Variants in TCTN1 observed in about 807,000 individuals in gnomAD.
TCTN1 encodes the protein tectonic-1.
In TCTN1, 58 loss-of-function variants were observed where a neutral mutation model predicts 65.8. The observed-to-expected ratio is 0.88, with a 90% CI of 0.71 to 1.10. The LOEUF is 1.10. Among genes scored for constraint, TCTN1 ranks in the 50% least tolerant of loss-of-function variants. TCTN1 has a pLI of 0.00. For synonymous variants in TCTN1, 273 were observed against 289.1 expected (o/e 0.94, Z 0.57); for missense variants, 645 against 719.4 (o/e 0.90, Z 1.18).
At chr12:110,647,994 G>A in intron 14 of TCTN1, 101 bp downstream of exon 14, 13 of 1,557,690 alleles carry the variant, frequency 8.3e-6, no homozygotes, top group Non-Finnish European at 1.1e-5. Flanking sequence ...TATACTTTTT[G>A]AGGGTCTCGC....
Position 110,640,885 on chromosome 12 carries a change from A to G in TCTN1, c.979-139A>G. ...TGGTGCTGAGGGAACACCTCTCATA[A>G]TCCAACTGGACAGCAGAGCAAGGCT... is the stretch of plus-strand genomic sequence containing the variant. On this transcript the variant is annotated intron_variant, in intron 8 of 14. Coordinates refer to ENST00000397659, the MANE Select transcript of TCTN1 (RefSeq NM_001082538.3). The surrounding 1 kb of genome is among the most constrained non-coding windows in gnomAD (Gnocchi z 4.9). 2 of 1,274,738 alleles carry G rather than the reference A, an allele frequency of 1.6e-6. No individual in the cohort carries two copies. Among genetic ancestry groups the G allele is most frequent in the East Asian group, 4.6e-5 (2 of 43,192 alleles). 79.0% of individuals were successfully genotyped at this position (1,274,738 alleles called of 1,614,324 possible).
intron 6 of TCTN1, 65 bp downstream of exon 6, chr12:110,634,844 A>T (rs549350527): frequency 7.9e-7 from 1 of 1,268,482 alleles, no homozygotes; most frequent in Non-Finnish European, 1.1e-6. Context: ...GCGCTTTTAA[A>T]ATATGACAAG....
intron 1 of TCTN1, among the ~76,000 whole-genome samples, chr12:110,618,463 T>G (rs2135887693): frequency 6.6e-6 from 1 of 151,980 alleles, no homozygotes; most frequent in African/African-American, 2.4e-5. Flanking sequence ...ATGGTCTCAA[T>G]CTCCTGACCT....
intron 12 of TCTN1, chr12:110,646,543 A>G (rs2067313340): frequency 6.5e-6 from 1 of 153,140 alleles, no homozygotes; most frequent in African/African-American, 2.4e-5. Flanking sequence ...TGGAAAGCCC[A>G]CGGCCCCTTT....
rs900492323 is a variant in TCTN1, at chr12:110,614,205, C to A, written c.23C>A (p.Pro8Gln). The A allele has an allele frequency of 4.4e-6, 7 of 1,575,896 alleles. No individual in the cohort carries two copies. In the African/African-American group the frequency reaches 8.1e-5, roughly 18 times the overall value. ...GAGATGAGGCCGCGAGGTCTCCCGC[C>A]GCTCCTGGTGGTGCTCCTGGGCTGC... is the stretch of plus-strand genomic sequence containing the variant. MRPRGLP[P>Q]LLVVLLGCWA... Residue 8 changes from proline (P) to glutamine (Q), a missense_variant, in exon 1 of 15, where the codon CCG becomes CAG. Physicochemically the swap from Pro to Gln is moderately conservative, Grantham distance 76. Transcript: ENST00000397659.
chr12:110,644,975 G>A lies in TCTN1; in HGVS notation c.1340G>A (p.Gly447Glu). ...CTTTTTCCTTCACCAAGACTGACTGGAGCTCTCCCGTGTCAGCTCGTAGCA... is the reference window on the plus strand; with the variant it reads ...CTTTTTCCTTCACCAAGACTGACTGAAGCTCTCCCGTGTCAGCTCGTAGCA... ...MQSGCKLRLT[G>E]ALPCQLVAQK... Residue 447 changes from glycine (G) to glutamate (E), a missense_variant, in exon 12 of 15, where the codon GGA becomes GAA. Coordinates refer to ENST00000397659, the MANE Select transcript of TCTN1 (RefSeq NM_001082538.3). This position sits in a 1 kb window ranked among gnomAD's most constrained non-coding sequence, Gnocchi z 4.6. The A allele has an allele frequency of 1.2e-6, 2 of 1,614,218 alleles. No individual in the cohort carries two copies. Among genetic ancestry groups the A allele is most frequent in the Non-Finnish European group, 1.7e-6 (2 of 1,180,040 alleles).
chr12:110,645,195 A>C (rs1457257448), intron 12 of TCTN1, 66 bp downstream of exon 12: 4 of 1,594,770 alleles, frequency 2.5e-6, no homozygotes, highest in Non-Finnish European at 3.4e-6. Flanking sequence ...TGATGAAGGC[A>C]GCCGGGGAAG....
At chr12:110,632,388 T>C (rs1026548377) in intron 4 of TCTN1, 84 bp from the exon 5 acceptor site, 34 of 1,403,780 alleles carry the variant, frequency 2.4e-5, no homozygotes, top group Middle Eastern at 1.8e-4. Context: ...CCTGCAGTGC[T>C]GCTTGGCACA....
chr12:110,630,615 C>G (rs1331695387), intron 4 of TCTN1, among the ~76,000 whole-genome samples: 1 of 152,156 alleles, frequency 6.6e-6, no homozygotes, highest in Non-Finnish European at 1.5e-5. Flanking sequence ...TCCCTGTATC[C>G]ATTAATATTC....
chr12:110,616,995 T>C (rs1036848197), intron 1 of TCTN1: 1 of 152,238 alleles, frequency 6.6e-6, no homozygotes, highest in Non-Finnish European at 1.5e-5. Flanking sequence ...TTAAGTACAC[T>C]CGCATCCTGG....
At chr12:110,646,149 G>T (rs1172903064) in intron 12 of TCTN1, 2 of 152,240 alleles carry the variant, frequency 1.3e-5, no homozygotes, top group Non-Finnish European at 2.9e-5. Context: ...AGGGCCTGCA[G>T]CAGCAGGTTT....
intron 10 of TCTN1, 150 bp downstream of exon 10, chr12:110,641,777 G>A (rs531610049): frequency 5.2e-6 from 4 of 768,504 alleles, no homozygotes; most frequent in African/African-American, 3.4e-5. Flanking sequence ...TCTGGTGGGC[G>A]GCCAGTCTGG....
chr12:110,633,491 G>A (rs960621984), intron 5 of TCTN1, among the ~76,000 whole-genome samples: 1 of 151,996 alleles, frequency 6.6e-6, no homozygotes, highest in African/African-American at 2.4e-5. Context: ...ACAAAAATTA[G>A]CCAGACATAG....
In TCTN1 at chr12:110,646,993, G is replaced by A. The variant is rs567523327; in HGVS notation, c.1495-203G>A. ...AAATAGGAGGAGATGGAAAAATTAC[G>A]CTTCAGCTGTTAAAAATATTTTTGG... is the stretch of plus-strand genomic sequence containing the variant. On this transcript the variant is annotated intron_variant, in intron 12 of 14. Coordinates refer to ENST00000397659, the MANE Select transcript of TCTN1 (RefSeq NM_001082538.3). The A allele has an allele frequency of 2.2e-4, 136 of 607,552 alleles. No individual in the cohort carries two copies. The African/African-American group carries it at 2.3e-3, about 10-fold the overall frequency. The allele number at this position is 607,552 out of a possible 1,614,324, so 37.6% of individuals were successfully genotyped here. A position where few individuals can be genotyped will look rare whatever the true frequency, so the allele number is the denominator to read the frequency against.
At chr12:110,616,379 G>C (rs2065036987) in intron 1 of TCTN1, 1 of 341,382 alleles carries the variant, frequency 2.9e-6, no homozygotes. Flanking sequence ...AGACTCCCGG[G>C]TAGCTGGAAC....
chr12:110,624,291 C>T (rs1467469398), intron 2 of TCTN1, among the ~76,000 whole-genome samples: 2 of 152,010 alleles, frequency 1.3e-5, no homozygotes, highest in African/African-American at 4.8e-5. Flanking sequence ...TCATAGCTCA[C>T]TGTAACCTTG....
At chr12:110,642,981 C>T (rs1328880647) in intron 11 of TCTN1, among the ~76,000 whole-genome samples, 2 of 152,114 alleles carry the variant, frequency 1.3e-5, no homozygotes, top group Non-Finnish European at 2.9e-5. Context: ...GTCTCAAACT[C>T]CTGACCTCAG....
intron 1 of TCTN1, among the ~76,000 whole-genome samples, chr12:110,617,845 C>T (rs779046748): frequency 2.0e-4 from 30 of 150,122 alleles, no homozygotes; most frequent in Admixed American, 4.7e-4. Context: ...TTTACCATGT[C>T]GGCCAGGCTG....
intron 4 of TCTN1, 144 bp from the exon 5 acceptor site, chr12:110,632,328 T>C: frequency 1.3e-6 from 1 of 787,810 alleles, no homozygotes. Flanking sequence ...TGTGAGCTTC[T>C]TGAGGGCAAG....
Sources: gnomAD v4.1 joint callset for allele counts (sites outside exome capture counted in the v4.1 genomes callset) on GRCh38, gnomAD v4.1.1 for gene constraint, Gnocchi (gnomAD v3.1) non-coding constraint, MANE v1.5 for transcripts, NCBI Gene and HGNC (gene_info 2026-07-23, HGNC 2026-07-21) for gene names.